The following ZDHHC20 variants were observed in gnomAD, a reference collection of about 807,000 sequenced individuals.
ZDHHC20 encodes the protein palmitoyltransferase ZDHHC20.
ZDHHC20 carries 43 observed loss-of-function variants against 57.8 expected under a neutral mutation model. The ratio of observed to expected loss-of-function variants is 0.74; its 90% CI spans 0.58 to 0.96. The LOEUF is 0.96. Ranked by LOEUF, ZDHHC20 falls within the 40% of genes least tolerant of loss-of-function variation. ZDHHC20 has a pLI of 0.00. For synonymous variants in ZDHHC20, 157 were observed against 153.0 expected (o/e 1.03, Z -0.19); for missense variants, 391 against 441.1 (o/e 0.89, Z 1.02).
At chr13:21,443,848 T>A (rs1883420834) in intron 1 of ZDHHC20, among the ~76,000 whole-genome samples, 1 of 152,204 alleles carries the variant, frequency 6.6e-6, no homozygotes, top group South Asian at 2.1e-4. Flanking sequence ...ATAGATAACA[T>A]CATCTTATGA....
chr13:21,433,413 C>CAA (rs1882208287), intron 1 of ZDHHC20, among the ~76,000 whole-genome samples: 1 of 152,090 alleles, frequency 6.6e-6, no homozygotes, highest in Admixed American at 6.5e-5. Flanking sequence ...GTCAGGAGAT[C>CAA]GAGACCATCC....
At chr13:21,429,256 C>T (rs925242489) in intron 1 of ZDHHC20, among the ~76,000 whole-genome samples, 1 of 152,192 alleles carries the variant, frequency 6.6e-6, no homozygotes, top group Non-Finnish European at 1.5e-5. Context: ...AAGTGAGAAG[C>T]ACGTGAGAAA....
chr13:21,448,349 C>A, intron 1 of ZDHHC20, among the ~76,000 whole-genome samples: 1 of 115,634 alleles, frequency 8.6e-6, no homozygotes, highest in South Asian at 2.8e-4. Flanking sequence ...CGGCCAGCCG[C>A]CCCGTCCGGG....
At chr13:21,428,413 G>C (rs1272739300) in intron 1 of ZDHHC20, among the ~76,000 whole-genome samples, 2 of 151,352 alleles carry the variant, frequency 1.3e-5, no homozygotes, top group Non-Finnish European at 2.9e-5. Context: ...TAGAGACGGG[G>C]TTTCACCATG....
chr13:21,386,215 A>G (rs567393489), intron 9 of ZDHHC20, among the ~76,000 whole-genome samples: 2 of 152,250 alleles, frequency 1.3e-5, no homozygotes, highest in African/African-American at 2.4e-5. Context: ...TGAACAGTGC[A>G]TCAGTGAGCT....
intron 1 of ZDHHC20, among the ~76,000 whole-genome samples, chr13:21,430,244 A>G (rs994721432): frequency 1.3e-5 from 2 of 152,030 alleles, no homozygotes; most frequent in Non-Finnish European, 2.9e-5. Flanking sequence ...TGGGAGCACC[A>G]CCTTGTTGCC....
chr13:21,452,909 A>C (rs1328061450), intron 1 of ZDHHC20, among the ~76,000 whole-genome samples: 1 of 152,210 alleles, frequency 6.6e-6, no homozygotes, highest in Non-Finnish European at 1.5e-5. Context: ...AGGTCAAAGA[A>C]GGAGAAAATG....
chr13:21,391,272 T>C lies in ZDHHC20; in HGVS notation c.727+450A>G, dbSNP rs767698789. Among the ~76,000 whole-genome samples, 17 of 152,212 alleles carry C rather than the reference T, an allele frequency of 1.1e-4. No homozygotes were observed. The South Asian group carries it at 1.4e-3, about 13-fold the overall frequency. On this transcript the variant is annotated intron_variant, in intron 8 of 12. Coordinates refer to ENST00000400590, the MANE Select transcript of ZDHHC20 (RefSeq NM_001330059.2). Reference sequence around the variant, plus strand: ...GTGAGCCACTGTGCCCTGCCTCTTATAGATTAATTTTTGAAACGACACTGT... The same window carrying C: ...GTGAGCCACTGTGCCCTGCCTCTTACAGATTAATTTTTGAAACGACACTGT...
chr13:21,393,185 T>TTTTC (rs201811871), intron 7 of ZDHHC20, among the ~76,000 whole-genome samples: 12,894 of 145,106 alleles, frequency 0.089, 1,274 homozygotes, highest in African/African-American at 0.25. Context: ...TTCTTTTCTT[T>TTTTC]TTTCTTTTTT....
At chr13:21,442,105 A>C (rs544756881) in intron 1 of ZDHHC20, among the ~76,000 whole-genome samples, 22 of 152,252 alleles carry the variant, frequency 1.4e-4, no homozygotes, top group African/African-American at 5.3e-4. Flanking sequence ...GTTTATCAAG[A>C]ATGGATGTGT....
At chr13:21,398,599 T>C (rs1395874068) in intron 7 of ZDHHC20, among the ~76,000 whole-genome samples, 1 of 152,176 alleles carries the variant, frequency 6.6e-6, no homozygotes. Context: ...TCCCCTAGTA[T>C]ACCACCCTGA....
intron 4 of ZDHHC20, among the ~76,000 whole-genome samples, chr13:21,410,511 T>C (rs978392100): frequency 6.6e-6 from 1 of 152,206 alleles, no homozygotes; most frequent in African/African-American, 2.4e-5. Context: ...GTTTTATCTA[T>C]AAGCCCCTGA....
intron 10 of ZDHHC20, among the ~76,000 whole-genome samples, 168 bp downstream of exon 10, chr13:21,382,752 G>T (rs1053088108): frequency 1.3e-5 from 2 of 151,940 alleles, no homozygotes; most frequent in East Asian, 3.9e-4. Flanking sequence ...ATGGTTATTA[G>T]CACATATACT....
chr13:21,427,172 T>G (rs1881365209), intron 1 of ZDHHC20, among the ~76,000 whole-genome samples: 1 of 152,192 alleles, frequency 6.6e-6, no homozygotes, highest in African/African-American at 2.4e-5. Context: ...TTTTTTCAAT[T>G]ACTTGTCAAT....
chr13:21,459,002 G>A (rs1885161495), intron 1 of ZDHHC20, 52 bp downstream of exon 1: 3 of 1,458,218 alleles, frequency 2.1e-6, no homozygotes, highest in Admixed American at 3.9e-5. Context: ...GGCCTATCTC[G>A]CGCCCTAGCC....
chr13:21,396,536 T>G (rs1400021115), intron 7 of ZDHHC20, among the ~76,000 whole-genome samples: 1 of 151,978 alleles, frequency 6.6e-6, no homozygotes, highest in Non-Finnish European at 1.5e-5. Flanking sequence ...ATGTAAGACA[T>G]AAACAGAAAA....
intron 1 of ZDHHC20, among the ~76,000 whole-genome samples, chr13:21,431,958 CTTAAT>C (rs924571440): frequency 7.9e-5 from 12 of 152,160 alleles, no homozygotes; most frequent in Admixed American, 5.9e-4. Context: ...TTGATGAAGT[CTTAAT>C]TTAATTTATC....
At chr13:21,392,833 T>C (rs1875991952) in intron 7 of ZDHHC20, among the ~76,000 whole-genome samples, 1 of 152,210 alleles carries the variant, frequency 6.6e-6, no homozygotes, top group African/African-American at 2.4e-5. Flanking sequence ...GTAACCAACA[T>C]GTTTCAAATG....
chr13:21,391,650 G>GTTC lies in ZDHHC20; in HGVS notation c.727+69_727+71dup. On this transcript the variant is annotated intron_variant, in intron 8 of 12. Coordinates refer to ENST00000400590, the MANE Select transcript of ZDHHC20 (RefSeq NM_001330059.2). ...TACACTTCTGTATCATCTGACCCTT[G>GTTC]TTCTTCTCTAGATTTCATATTTATT... 3.4e-6 allele frequency: 5 copies of GTTC among 1,485,628 alleles called. No individual in the cohort carries two copies. The South Asian group carries it at 6.4e-5, about 19-fold the overall frequency. The allele number at this position is 1,485,628 out of a possible 1,614,324, so 92.0% of individuals were successfully genotyped here. A position where few individuals can be genotyped will look rare whatever the true frequency, so the allele number is the denominator to read the frequency against.
Sources: gnomAD v4.1 joint callset for allele counts (sites outside exome capture counted in the v4.1 genomes callset) on GRCh38, gnomAD v4.1.1 for gene constraint, MANE v1.5 for transcripts, NCBI Gene and HGNC (gene_info 2026-07-23, HGNC 2026-07-21) for gene names.